Variants in UBXN10 observed in about 807,000 individuals in gnomAD.
The protein encoded by UBXN10 is UBX domain-containing protein 10.
In UBXN10, 6 loss-of-function variants were observed where a neutral mutation model predicts 6.9. That is an observed-to-expected ratio of 0.87 (90% CI 0.48 to 1.72). UBXN10 has a LOEUF of 1.72. UBXN10 is among the 40% of genes most tolerant of loss of function. The pLI is 0.01. For synonymous variants in UBXN10, 131 were observed against 135.2 expected (o/e 0.97, Z 0.21); for missense variants, 317 against 348.4 (o/e 0.91, Z 0.72).
rs2018504904 is a variant in UBXN10, at chr1:20,191,657, C to T, written c.*253C>T. 1 of 489,000 alleles carries T rather than the reference C, an allele frequency of 2.0e-6. No individual in the cohort carries two copies. The highest frequency in any genetic ancestry group is 1.9e-5 in the African/African-American group (1 of 51,698). The allele number at this position is 489,000 out of a possible 1,614,324, so 30.3% of individuals were successfully genotyped here. On this transcript the variant is annotated 3_prime_UTR_variant, in exon 2 of 2. Transcript: ENST00000375099. This position sits in a 1 kb window ranked among gnomAD's most constrained non-coding sequence, Gnocchi z 4.5. ...AACTGGCAAGTTACCAAGGTTGTTC[C>T]TGAAACAGCAGTGATCATGACTTCT...
chr1:20,187,754 T>A lies in UBXN10; in HGVS notation c.-16+1601T>A, dbSNP rs2018424312. Among the ~76,000 whole-genome samples the A allele has an allele frequency of 6.6e-6, 1 of 152,198 alleles. No homozygotes were observed. The highest frequency in any genetic ancestry group is 6.5e-5 in the Admixed American group (1 of 15,282). ...AGGGTGTCTTGAATATGACACCCCC[T>A]GAACATGGATAATTATATGGAACCA... On this transcript the variant is annotated intron_variant, in intron 1 of 1. Transcript: ENST00000375099. This position sits in a 1 kb window ranked among gnomAD's most constrained non-coding sequence, Gnocchi z 4.6.
At position 20,191,433 on chromosome 1, in the gene UBXN10, G is replaced by T. The variant is rs1287295268; in HGVS notation, c.*29G>T. Reference sequence around the variant, plus strand: ...CACAGCCACCCAGCTGAGGTCCTGGGTCTCTGAGCAAAGGAGCATGCTTGG... The same window carrying T: ...CACAGCCACCCAGCTGAGGTCCTGGTTCTCTGAGCAAAGGAGCATGCTTGG... On this transcript the variant is annotated 3_prime_UTR_variant, in exon 2 of 2. Coordinates refer to ENST00000375099, the MANE Select transcript of UBXN10 (RefSeq NM_152376.5). This position sits in a 1 kb window ranked among gnomAD's most constrained non-coding sequence, Gnocchi z 4.5. 1 of 1,590,078 alleles carries T rather than the reference G, an allele frequency of 6.3e-7. No individual in the cohort carries two copies. The highest frequency in any genetic ancestry group is 8.6e-7 in the Non-Finnish European group (1 of 1,166,564).
At chr1:20,185,290 G>T (rs1225058472), upstream of UBXN10, among the ~76,000 whole-genome samples, 1 of 152,170 alleles carries the variant, frequency 6.6e-6, no homozygotes, top group African/African-American at 2.4e-5. Context: ...TTCAATACCC[G>T]TGTGTAGGTG....
In UBXN10 at chr1:20,194,137, T is replaced by G. The variant is rs537755280; in HGVS notation, c.*2733T>G. ...GGACCCCAAAGTGAGGATCCCACAT[T>G]GTTACTGCTGGCTCTTCATCCCACC... On this transcript the variant is annotated 3_prime_UTR_variant, in exon 2 of 2. Transcript: ENST00000375099. The G allele has an allele frequency of 6.0e-6, 1 of 167,258 alleles. No homozygotes were observed. The highest frequency in any genetic ancestry group is 1.9e-4 in the East Asian group (1 of 5,194). 10.4% of individuals were successfully genotyped at this position (167,258 alleles called of 1,614,324 possible).
At chr1:20,183,881 C>T (rs2018317456), upstream of UBXN10, among the ~76,000 whole-genome samples, 1 of 152,208 alleles carries the variant, frequency 6.6e-6, no homozygotes, top group African/African-American at 2.4e-5. Context: ...GGTGAGTCCA[C>T]ATTTCAGCTG....
At position 20,187,816 on chromosome 1, in the gene UBXN10, A is replaced by G. The variant is rs1330921047; in HGVS notation, c.-16+1663A>G. Among the ~76,000 whole-genome samples, 1 of 152,224 alleles carries G rather than the reference A, an allele frequency of 6.6e-6. No homozygotes were observed. Among genetic ancestry groups the G allele is most frequent in the Non-Finnish European group, 1.5e-5 (1 of 68,036 alleles). ...AAGTGCATGCACATACTCAAGTTTT[A>G]CTGTTAAAAATAATCCCACAGAGAG... On this transcript the variant is annotated intron_variant, in intron 1 of 1. Transcript: ENST00000375099. The surrounding 1 kb of genome is among the most constrained non-coding windows in gnomAD (Gnocchi z 4.6).
upstream of UBXN10, chr1:20,184,189 G>GTGCACA (rs1438798828): frequency 1.0e-4 from 11 of 106,506 alleles, no homozygotes; most frequent in Admixed American, 5.5e-4. Flanking sequence ...GCGCGTGCGT[G>GTGCACA]CGCACACGCA....
rs1466664028 is a variant in UBXN10, at chr1:20,195,210, C to T, written c.*3806C>T. On this transcript the variant is annotated 3_prime_UTR_variant, in exon 2 of 2. Transcript: ENST00000375099. ...GTTCAAACAGTTTAGGAAGCAGCAGCCCTCCTAACAGTCGACGCGGAAGCA... is the reference window on the plus strand; with the variant it reads ...GTTCAAACAGTTTAGGAAGCAGCAGTCCTCCTAACAGTCGACGCGGAAGCA... 6.0e-6 allele frequency: 1 copy of T among 167,128 alleles called. No homozygotes were observed. Among genetic ancestry groups the T allele is most frequent in the Non-Finnish European group, 1.5e-5 (1 of 68,138 alleles). 10.4% of individuals were successfully genotyped at this position (167,128 alleles called of 1,614,324 possible).
In UBXN10 at chr1:20,194,704, T is replaced by C. The variant is rs1248674164; in HGVS notation, c.*3300T>C. 2 of 167,132 alleles carry C rather than the reference T, an allele frequency of 1.2e-5. No individual in the cohort carries two copies. Among genetic ancestry groups the C allele is most frequent in the African/African-American group, 2.4e-5 (1 of 41,482 alleles). The allele number at this position is 167,132 out of a possible 1,614,324, so 10.4% of individuals were successfully genotyped here. On this transcript the variant is annotated 3_prime_UTR_variant, in exon 2 of 2. Transcript: ENST00000375099. ...GCCACCCTGCCTCTTGGGACAAAGA[T>C]GTTTCTCTTTACTTAGTTTTAAAAA...
chr1:20,188,157 GA>G (rs2018432110), intron 1 of UBXN10, among the ~76,000 whole-genome samples: 1 of 152,330 alleles, frequency 6.6e-6, no homozygotes, highest in Middle Eastern at 3.4e-3. Context: ...ACTAAAGGGG[GA>G]AAAACACATT....
In UBXN10 at chr1:20,192,393, A is replaced by AG. The variant is rs1299452466; in HGVS notation, c.*995dup. ...TCTGACTTAGAACCTCTGGAGGAGG[A>AG]GGGGGGTGCCTTGGTCTCGTGTTAC... On this transcript the variant is annotated 3_prime_UTR_variant, in exon 2 of 2. Transcript: ENST00000375099. 2 of 167,080 alleles carry AG rather than the reference A, an allele frequency of 1.2e-5. No homozygotes were observed. The allele number at this position is 167,080 out of a possible 1,614,324, so 10.3% of individuals were successfully genotyped here. A position where few individuals can be genotyped will look rare whatever the true frequency, so the allele number is the denominator to read the frequency against.
At chr1:20,188,685 G>C (rs537192361) in intron 1 of UBXN10, among the ~76,000 whole-genome samples, 1 of 152,298 alleles carries the variant, frequency 6.6e-6, no homozygotes, top group South Asian at 2.1e-4. Flanking sequence ...CATGTTTTGA[G>C]GCAACTGCGT....
Position 20,192,772 on chromosome 1 carries a change from A to G in UBXN10, c.*1368A>G, listed in dbSNP as rs2018531744. 6.0e-6 allele frequency: 1 copy of G among 167,078 alleles called. No individual in the cohort carries two copies. Among genetic ancestry groups the G allele is most frequent in the African/African-American group, 2.4e-5 (1 of 41,448 alleles). The allele number at this position is 167,078 out of a possible 1,614,324, so 10.3% of individuals were successfully genotyped here. Reference sequence around the variant, plus strand: ...GGCAGGAATCAGGAGTTCCAGAAGCATATACATGTGGCTACCCCAGCAACA... The same window carrying G: ...GGCAGGAATCAGGAGTTCCAGAAGCGTATACATGTGGCTACCCCAGCAACA... On this transcript the variant is annotated 3_prime_UTR_variant, in exon 2 of 2. Coordinates refer to ENST00000375099, the MANE Select transcript of UBXN10 (RefSeq NM_152376.5).
chr1:20,185,468 CAG>C (rs983236475), upstream of UBXN10, among the ~76,000 whole-genome samples: 6 of 152,262 alleles, frequency 3.9e-5, no homozygotes, highest in African/African-American at 1.4e-4. Context: ...TGGTGAAAAA[CAG>C]ATACAGCGGA....
In UBXN10 at chr1:20,194,795, C is replaced by CT. The variant is rs2018573560; in HGVS notation, c.*3395dup. On this transcript the variant is annotated 3_prime_UTR_variant, in exon 2 of 2. Coordinates refer to ENST00000375099, the MANE Select transcript of UBXN10 (RefSeq NM_152376.5). ...ATGGTAAGAGGATCTACTTTTCTAC[C>CT]TTTTAAACGGAATAAAGAAGACAGC... 1.2e-5 allele frequency: 2 copies of CT among 167,066 alleles called. No homozygotes were observed. Among genetic ancestry groups the CT allele is most frequent in the African/African-American group, 4.8e-5 (2 of 41,442 alleles). The allele number at this position is 167,066 out of a possible 1,614,324, so 10.3% of individuals were successfully genotyped here. A position where few individuals can be genotyped will look rare whatever the true frequency, so the allele number is the denominator to read the frequency against.
At chr1:20,184,611 G>A (rs1037642641), upstream of UBXN10, 1 of 152,276 alleles carries the variant, frequency 6.6e-6, no homozygotes, top group Non-Finnish European at 1.5e-5. Context: ...ACGACCCATG[G>A]AGGAGCAATT....
chr1:20,186,301 G>A (rs1210054664), intron 1 of UBXN10, 148 bp downstream of exon 1: 3 of 152,328 alleles, frequency 2.0e-5, no homozygotes, highest in Non-Finnish European at 1.5e-5. Flanking sequence ...CCGGGAGACA[G>A]GCGAGGAGCC....
In UBXN10 at chr1:20,192,538, C is replaced by G. The variant is rs550276573; in HGVS notation, c.*1134C>G. 6.0e-6 allele frequency: 1 copy of G among 167,110 alleles called. No individual in the cohort carries two copies. Among genetic ancestry groups the G allele is most frequent in the African/African-American group, 2.4e-5 (1 of 41,448 alleles). The allele number at this position is 167,110 out of a possible 1,614,324, so 10.4% of individuals were successfully genotyped here. On this transcript the variant is annotated 3_prime_UTR_variant, in exon 2 of 2. Transcript: ENST00000375099. ...CCATGGGGTCTTGTGTTTCCAACTT[C>G]GAAGTGCTGATGTGGACAGTTTGCC...
In UBXN10 at chr1:20,190,926, GAA is replaced by G; in HGVS notation, c.367_368del (p.Lys123GlufsTer37). ...TATCCAGTCCTTCCTTCCATCAACA[GAA>G]AGAACCTGGAGGAGGAGGCTGTGGA... On this transcript the variant is annotated frameshift_variant, in exon 2 of 2. Coordinates refer to ENST00000375099, the MANE Select transcript of UBXN10 (RefSeq NM_152376.5). LOFTEE classifies it low-confidence loss of function (END_TRUNC). The G allele has an allele frequency of 6.2e-7, 1 of 1,614,130 alleles. No individual in the cohort carries two copies.
Sources: allele counts gnomAD v4.1 joint callset (sites outside exome capture counted in the v4.1 genomes callset), GRCh38; gene constraint gnomAD v4.1.1; non-coding constraint Gnocchi (gnomAD v3.1); transcripts MANE v1.5; gene names NCBI Gene and HGNC (gene_info 2026-07-23, HGNC 2026-07-21).